SYMPK: variants seen among roughly 807,000 people sequenced by gnomAD.
SYMPK encodes the protein symplekin.
SYMPK carries 49 observed loss-of-function variants against 136.4 expected under a neutral mutation model. That is an observed-to-expected ratio of 0.36 (90% CI 0.29 to 0.46). The LOEUF (loss-of-function observed/expected upper bound fraction) is 0.46. SYMPK is among the 20% of genes least tolerant of loss of function. SYMPK has a pLI of 1.00. For missense variants in SYMPK, 1,365 were observed against 1,690.0 expected, an observed-to-expected ratio of 0.81 and a Z score of 3.37; for synonymous variants, 766 against 713.0, an observed-to-expected ratio of 1.07 and a Z score of -1.19.
chr19:45,851,483 C>T (rs757540071), intron 5 of SYMPK, among the ~76,000 whole-genome samples: 2 of 151,504 alleles, frequency 1.3e-5, no homozygotes, highest in Non-Finnish European at 2.9e-5. Context: ...GAGGCTGAGG[C>T]ACAAGAATCT....
At position 45,838,607 on chromosome 19, in the gene SYMPK, G is replaced by C; in HGVS notation, c.1096C>G (p.Leu366Val). 1 of 1,613,744 alleles carries C rather than the reference G, an allele frequency of 6.2e-7. No individual in the cohort carries two copies. Among genetic ancestry groups the C allele is most frequent in the Non-Finnish European group, 8.5e-7 (1 of 1,179,698 alleles). ...TLKKMKLEPNLGEDDEDKDLE... is the reference protein window; with the variant it reads ...TLKKMKLEPNVGEDDEDKDLE... ...TCTTTGTCCTCATCGTCCTCCCCCA[G>C]GTTGGGCTCTGGGATGAGGGAAAAG... Residue 366 changes from leucine (L) to valine (V), a missense_variant, in exon 10 of 27, where the codon CTG (leucine) becomes GTG (valine). Leu to Val is a conservative substitution (Grantham distance 32). This residue lies in a region of SYMPK where 111 missense variants were observed against 141.2 expected (regional missense o/e 0.79). Coordinates refer to ENST00000245934, the MANE Select transcript of SYMPK (RefSeq NM_004819.3).
chr19:45,829,758 G>A (rs530098901), intron 13 of SYMPK, among the ~76,000 whole-genome samples: 2 of 152,338 alleles, frequency 1.3e-5, no homozygotes, highest in East Asian at 3.9e-4. Flanking sequence ...GTTAACAACC[G>A]TGAAGAACCA....
chr19:45,826,358 G>C lies in SYMPK; in HGVS notation c.2197C>G (p.Leu733Val). The C allele has an allele frequency of 6.2e-7, 1 of 1,614,152 alleles. No individual in the cohort carries two copies. The highest frequency in any genetic ancestry group is 8.5e-7 in the Non-Finnish European group (1 of 1,180,024). The stretch of plus-strand genomic sequence containing the variant: ...TCATACATGCGTTTGATGAACAGCA[G>C]GGCCTGGGAGCGCACCTGAGGAGGA... The part of the protein sequence containing the change: ...HEKDKVRSQA[L>V]LFIKRMYEKE... The change falls in exon 17 of 27, where the codon CTG (leucine) becomes GTG (valine). Residue 733 changes from leucine (L) to valine (V), a missense_variant. Coordinates refer to ENST00000245934, the MANE Select transcript of SYMPK (RefSeq NM_004819.3).
chr19:45,820,891 C>G, intron 22 of SYMPK: 3 of 554,492 alleles, frequency 5.4e-6, no homozygotes, highest in South Asian at 2.4e-5. Flanking sequence ...GAGAGCCCAG[C>G]GCAGAGTGCT....
chr19:45,831,983 AG>A (rs1971188652), intron 11 of SYMPK, among the ~76,000 whole-genome samples: 2 of 152,172 alleles, frequency 1.3e-5, no homozygotes, highest in Non-Finnish European at 2.9e-5. Context: ...CTGGGACTAC[AG>A]GCGCATGCCA....
At chr19:45,823,316 C>T (rs1236100037) in intron 20 of SYMPK, 56 bp downstream of exon 20, 1 of 1,552,672 alleles carries the variant, frequency 6.4e-7, no homozygotes, top group Non-Finnish European at 8.9e-7. Flanking sequence ...CTGCCCTGCC[C>T]CTCCCAGTCC....
At chr19:45,840,494 T>A (rs952330944) in intron 9 of SYMPK, among the ~76,000 whole-genome samples, 1 of 151,698 alleles carries the variant, frequency 6.6e-6, no homozygotes. Context: ...TGAAGCCCCG[T>A]CTCTACTAAA....
chr19:45,848,845 T>C lies in SYMPK; in HGVS notation c.331A>G (p.Ile111Val), dbSNP rs1312889805. 2.5e-6 allele frequency: 4 copies of C among 1,614,010 alleles called. No homozygotes were observed. The highest frequency in any genetic ancestry group is 1.1e-5 in the South Asian group (1 of 91,068). The change falls in exon 6 of 27, where the codon ATT (isoleucine) becomes GTT (valine). Residue 111 changes from isoleucine to valine, a missense_variant. By Grantham distance (29) the Ile-to-Val change is conservative. Transcript: ENST00000245934. ...CTCAAGAGCATGTTGAGGTTTGCAA[T>C]GAGTTTCAGCAGCAACTCAATGTCT... ...KRDIELLLKL[I>V]ANLNMLLRDE...
chr19:45,824,727 G>A (rs926213043), intron 18 of SYMPK, among the ~76,000 whole-genome samples: 16 of 152,220 alleles, frequency 1.1e-4, no homozygotes, highest in Non-Finnish European at 1.8e-4. Flanking sequence ...GGGCAGACCT[G>A]TGCCTCTAGA....
chr19:45,845,711 T>C (rs1453551310), intron 7 of SYMPK, among the ~76,000 whole-genome samples: 1 of 152,222 alleles, frequency 6.6e-6, no homozygotes, highest in Non-Finnish European at 1.5e-5. Flanking sequence ...TTCGGTTACA[T>C]ATCCAGCAGT....
In SYMPK at chr19:45,847,787, T is replaced by C; in HGVS notation, c.641A>G (p.Asp214Gly). The change falls in exon 7 of 27, where the codon GAC becomes GGC. Residue 214 changes from aspartate to glycine, a missense_variant. Asp to Gly is a moderately conservative substitution (Grantham distance 94, BLOSUM62 -1). This residue lies in a region of SYMPK where 237 missense variants were observed against 292.9 expected (regional missense o/e 0.81). Transcript: ENST00000245934. The stretch of plus-strand genomic sequence containing the variant: ...GTAGGGGTGGTCACGAGGGATGCGG[T>C]CCAGGCTGATATCATGCTCCTGGCG... ...PRRQEHDISLDRIPRDHPYIQ... is the reference protein window; with the variant it reads ...PRRQEHDISLGRIPRDHPYIQ... 1.9e-6 allele frequency: 3 copies of C among 1,613,958 alleles called. 1 individual carries two copies. The highest frequency in any genetic ancestry group is 4.5e-5 in the East Asian group (2 of 44,872).
intron 14 of SYMPK, chr19:45,828,352 C>T (rs749489882): frequency 1.8e-4 from 35 of 190,936 alleles, no homozygotes; most frequent in Non-Finnish European, 3.6e-4. Context: ...AGCACCAGCG[C>T]CCTGAATTTG....
At chr19:45,832,855 C>CAAAAAAAA (rs10561490) in intron 11 of SYMPK, among the ~76,000 whole-genome samples, 4 of 118,660 alleles carry the variant, frequency 3.4e-5, no homozygotes, top group East Asian at 2.5e-4. Context: ...ACTAAAAATA[C>CAAAAAAAA]AAAAAAAAAA....
chr19:45,817,415 C>CTTTTTTTTTTTTTTT (rs1568605953), intron 23 of SYMPK, among the ~76,000 whole-genome samples: 2 of 100,174 alleles, frequency 2.0e-5, no homozygotes, highest in African/African-American at 7.9e-5. Context: ...TTTTTTTGTT[C>CTTTTTTTTTTTTTTT]TCTTTTTTTT....
chr19:45,837,042 G>A (rs771124670), intron 10 of SYMPK, among the ~76,000 whole-genome samples: 4 of 152,094 alleles, frequency 2.6e-5, no homozygotes, highest in South Asian at 2.1e-4. Flanking sequence ...ACTTAAAACC[G>A]TGGGAACAAA....
At position 45,816,804 on chromosome 19, in the gene SYMPK, G is replaced by T. The variant is rs372115608; in HGVS notation, c.3252C>A (p.Pro1084=). The change falls in exon 24 of 27, where the codon CCC becomes CCA. Residue 1084 remains proline (P), a synonymous_variant. Transcript: ENST00000245934. The part of the protein sequence containing the change: ...PLLAHVRSFT[P]HQQAHIPNSI... Reference sequence around the variant, plus strand: ...TGGTGGGGGGAAGGGGTACCTGGTGGGGGGTGAAGGAGCGGACATGGGCCA... The same window carrying T: ...TGGTGGGGGGAAGGGGTACCTGGTGTGGGGTGAAGGAGCGGACATGGGCCA... 32 of 1,533,010 alleles carry T rather than the reference G, an allele frequency of 2.1e-5. No homozygotes were observed. Among genetic ancestry groups the T allele is most frequent in the Admixed American group, 4.3e-5 (2 of 46,728 alleles). The allele number at this position is 1,533,010 out of a possible 1,614,324, so 95.0% of individuals were successfully genotyped here. A position where few individuals can be genotyped will look rare whatever the true frequency, so the allele number is the denominator to read the frequency against.
intron 13 of SYMPK, among the ~76,000 whole-genome samples, chr19:45,829,785 C>A (rs1041834869): frequency 1.7e-4 from 26 of 152,206 alleles, no homozygotes; most frequent in Non-Finnish European, 2.9e-5. Context: ...CAAGAGCAGC[C>A]CTCACTTGCA....
intron 7 of SYMPK, among the ~76,000 whole-genome samples, chr19:45,845,293 T>G (rs1971533767): frequency 1.3e-5 from 2 of 152,044 alleles, no homozygotes; most frequent in South Asian, 4.2e-4. Flanking sequence ...ATACTAGATC[T>G]TATTTGTTCT....
At chr19:45,851,739 T>C (rs1286477136) in intron 5 of SYMPK, among the ~76,000 whole-genome samples, 1 of 151,976 alleles carries the variant, frequency 6.6e-6, no homozygotes, top group Non-Finnish European at 1.5e-5. Flanking sequence ...CCGGATGTGG[T>C]GGCGCATGCC....
Sources: allele counts gnomAD v4.1 joint callset (sites outside exome capture counted in the v4.1 genomes callset), GRCh38; gene constraint gnomAD v4.1.1; regional missense constraint gnomAD v4.1.1; transcripts MANE v1.5; gene names NCBI Gene and HGNC (gene_info 2026-07-23, HGNC 2026-07-21).